NDST3: variants seen among roughly 807,000 people sequenced by gnomAD.
NDST3 encodes bifunctional heparan sulfate N-deacetylase/N-sulfotransferase 3.
A neutral mutation model predicts 96.1 loss-of-function variants in NDST3; 58 were observed. The ratio of observed to expected loss-of-function variants is 0.60; its 90% CI spans 0.49 to 0.75. The LOEUF (loss-of-function observed/expected upper bound fraction) is 0.75. Among genes scored for constraint, NDST3 ranks in the 30% least tolerant of loss-of-function variants. The probability of loss-of-function intolerance (pLI) is 0.00; values close to 1 mark genes in which losing one functional copy is unlikely to be tolerated. For missense variants in NDST3, 788 were observed against 1,034.2 expected (o/e 0.76, Z 3.27); for synonymous variants, 333 against 359.7 (o/e 0.93, Z 0.84).
chr4:118,177,732 A>G (rs954666772), intron 6 of NDST3, among the ~76,000 whole-genome samples: 1 of 151,998 alleles, frequency 6.6e-6, no homozygotes, highest in Non-Finnish European at 1.5e-5. Flanking sequence ...TATAAAGTAT[A>G]TCAAGGCTGC....
intron 8 of NDST3, among the ~76,000 whole-genome samples, chr4:118,227,917 ACTT>A (rs879325278): frequency 1.4e-4 from 21 of 152,214 alleles, no homozygotes; most frequent in Admixed American, 1.3e-3. Context: ...CGGTCTATAA[ACTT>A]CTTGTTTCTA....
At chr4:118,105,153 C>G (rs761800305) in intron 3 of NDST3, 48 bp downstream of exon 3, 2 of 1,446,242 alleles carry the variant, frequency 1.4e-6, no homozygotes, top group South Asian at 2.3e-5. Context: ...TCTGATCACT[C>G]TATTTAAAAT....
intron 6 of NDST3, among the ~76,000 whole-genome samples, chr4:118,214,720 G>A (rs1739083551): frequency 6.6e-6 from 1 of 152,076 alleles, no homozygotes; most frequent in African/African-American, 2.4e-5. Context: ...GGGATAGAGA[G>A]GATCCGTTGG....
chr4:118,172,671 T>C (rs1172791509), intron 6 of NDST3, among the ~76,000 whole-genome samples: 1 of 152,196 alleles, frequency 6.6e-6, no homozygotes, highest in Admixed American at 6.5e-5. Context: ...TTTTCTTTAA[T>C]GATTTTATGT....
rs1342114502 is a variant in NDST3 at position 118,054,060 on chromosome 4, T to C, written c.150T>C (p.Val50=). 2.5e-6 allele frequency: 4 copies of C among 1,613,050 alleles called. No individual in the cohort carries two copies. The highest frequency in any genetic ancestry group is 3.4e-6 in the Non-Finnish European group (4 of 1,179,320). ...AACTCTCTGAGACGGCTTCAGAAGTTGACTGTGGCGACCTCCAACACCTAC... is the reference window on the plus strand; with the variant it reads ...AACTCTCTGAGACGGCTTCAGAAGTCGACTGTGGCGACCTCCAACACCTAC... ...ENELSETASE[V]DCGDLQHLPY... Residue 50 remains valine, a synonymous_variant, in exon 2 of 14, where the codon GTT becomes GTC. Coordinates refer to ENST00000296499, the MANE Select transcript of NDST3 (RefSeq NM_004784.3).
At chr4:118,220,888 G>A (rs1739496382) in intron 6 of NDST3, among the ~76,000 whole-genome samples, 1 of 151,938 alleles carries the variant, frequency 6.6e-6, no homozygotes, top group Admixed American at 6.6e-5. Context: ...AGCAACCAAT[G>A]GGTTTGATAA....
intron 1 of NDST3, among the ~76,000 whole-genome samples, chr4:118,038,755 T>G (rs1246129382): frequency 2.6e-5 from 4 of 152,220 alleles, no homozygotes; most frequent in Non-Finnish European, 5.9e-5. Flanking sequence ...ATTGTCAGGA[T>G]CTTTTAAATA....
chr4:118,126,259 C>T (rs1320054394), intron 4 of NDST3, among the ~76,000 whole-genome samples: 1 of 151,914 alleles, frequency 6.6e-6, no homozygotes, highest in Admixed American at 6.6e-5. Context: ...GCCCACCTCC[C>T]CTGCAACATC....
intron 5 of NDST3, among the ~76,000 whole-genome samples, chr4:118,141,571 C>A (rs1487687452): frequency 6.6e-6 from 1 of 152,128 alleles, no homozygotes; most frequent in Non-Finnish European, 1.5e-5. Flanking sequence ...TATCTTTTTG[C>A]TTCTCTCTTC....
rs138326280 is a variant in NDST3, at chr4:118,237,061, C to T, written c.1959C>T (p.Phe653=). ...CCTTTTCTAGGTATATGGATTTCTT[C>T]CCAGTCCCATCTAATGTCACTACCG... ...HRGIDWYMDF[F]PVPSNVTTDF... is the part of the protein sequence containing the mutation. The change falls in exon 10 of 14, where the codon TTC becomes TTT. Residue 653 remains phenylalanine (F), a synonymous_variant. Coordinates refer to ENST00000296499, the MANE Select transcript of NDST3 (RefSeq NM_004784.3). 2.2e-5 allele frequency: 35 copies of T among 1,605,756 alleles called. No homozygotes were observed. In the African/African-American group the frequency reaches 4.4e-4, roughly 20 times the overall value.
chr4:118,159,462 C>G (rs6822996), intron 6 of NDST3, among the ~76,000 whole-genome samples: 36,535 of 152,006 alleles, frequency 0.24, 5,061 homozygotes, highest in African/African-American at 0.37. Flanking sequence ...CCTATACAAA[C>G]CCTGTTTTTT....
At chr4:118,236,574 C>G (rs191919535) in intron 9 of NDST3, among the ~76,000 whole-genome samples, 3 of 152,210 alleles carry the variant, frequency 2.0e-5, no homozygotes, top group African/African-American at 7.2e-5. Flanking sequence ...AACGTAACAC[C>G]GGCACAATAC....
intron 2 of NDST3, among the ~76,000 whole-genome samples, chr4:118,060,216 T>G (rs1369626403): frequency 6.6e-6 from 1 of 152,146 alleles, no homozygotes; most frequent in Non-Finnish European, 1.5e-5. Context: ...AAATATTTCC[T>G]TGTTCTGAAA....
At chr4:118,107,991 A>T (rs141395426) in intron 3 of NDST3, among the ~76,000 whole-genome samples, 1,816 of 152,308 alleles carry the variant, frequency 0.012, 23 homozygotes, top group Non-Finnish European at 0.018. Context: ...GAGGCCTCAC[A>T]ATCATGGCGG....
intron 1 of NDST3, 30 bp from the exon 2 acceptor site, chr4:118,053,722 AACTG>A (rs770972598): frequency 8.5e-5 from 50 of 591,386 alleles, no homozygotes; most frequent in African/African-American, 1.1e-4. Context: ...TAATGCTGCA[AACTG>A]ACTGTTTTAT....
intron 6 of NDST3, among the ~76,000 whole-genome samples, chr4:118,174,231 GA>G: frequency 6.6e-6 from 1 of 152,258 alleles, no homozygotes; most frequent in South Asian, 2.1e-4. Context: ...CAGTCTCAGA[GA>G]GCTCACTGCC....
At chr4:118,147,736 C>T (rs28536042) in intron 6 of NDST3, among the ~76,000 whole-genome samples, 6,711 of 152,146 alleles carry the variant, frequency 0.044, 259 homozygotes, top group African/African-American at 0.1. Flanking sequence ...GGAAAAGTTC[C>T]GGCTTAGACA....
At chr4:118,076,956 G>A (rs1727597385) in intron 2 of NDST3, among the ~76,000 whole-genome samples, 1 of 152,118 alleles carries the variant, frequency 6.6e-6, no homozygotes, top group South Asian at 2.1e-4. Flanking sequence ...TGCTGATGGG[G>A]TTTTTGCTTT....
chr4:118,150,701 C>A (rs1159625324), intron 6 of NDST3, among the ~76,000 whole-genome samples: 2 of 151,468 alleles, frequency 1.3e-5, no homozygotes, highest in Non-Finnish European at 2.9e-5. Context: ...CATCTCACAC[C>A]AGTTAGAATA....
Sources: allele counts gnomAD v4.1 joint callset (sites outside exome capture counted in the v4.1 genomes callset), GRCh38; gene constraint gnomAD v4.1.1; transcripts MANE v1.5; gene names NCBI Gene and HGNC (gene_info 2026-07-23, HGNC 2026-07-21).